CREB5: variants seen among roughly 807,000 people sequenced by gnomAD.
The protein encoded by CREB5 is cyclic AMP-responsive element-binding protein 5.
CREB5 carries 19 observed loss-of-function variants against 57.1 expected under a neutral mutation model. That is an observed-to-expected ratio of 0.33 (90% CI 0.23 to 0.49). The LOEUF (loss-of-function observed/expected upper bound fraction) is 0.49. CREB5 is among the 20% of genes least tolerant of loss of function. CREB5 has a pLI of 0.99. For missense variants in CREB5, 579 were observed against 671.6 expected, an observed-to-expected ratio of 0.86 and a Z score of 1.52; for synonymous variants, 238 against 238.3, an observed-to-expected ratio of 1.00 and a Z score of 0.01.
intron 5 of CREB5, among the ~76,000 whole-genome samples, chr7:28,668,817 A>G (rs767358514): frequency 5.3e-5 from 8 of 152,116 alleles, no homozygotes; most frequent in Non-Finnish European, 1.0e-4. Flanking sequence ...TTTACCGGTG[A>G]GTGAGAGTGT....
intron 5 of CREB5, among the ~76,000 whole-genome samples, chr7:28,693,119 C>T (rs778505069): frequency 8.5e-5 from 13 of 152,158 alleles, no homozygotes; most frequent in Middle Eastern, 3.4e-3. Context: ...CACATGGTAC[C>T]AAAAAACTGA....
intron 1 of CREB5, among the ~76,000 whole-genome samples, chr7:28,482,783 T>C (rs1791386875): frequency 6.6e-6 from 1 of 152,242 alleles, no homozygotes; most frequent in African/African-American, 2.4e-5. Context: ...CACAGCCATA[T>C]TGTTAGTGCT....
intron 7 of CREB5, among the ~76,000 whole-genome samples, chr7:28,803,560 C>T (rs984202939): frequency 1.3e-5 from 2 of 151,892 alleles, no homozygotes; most frequent in African/African-American, 4.8e-5. Context: ...AGTTCAAGAC[C>T]AGCCTGGCCA....
chr7:28,804,342 G>A lies in CREB5; in HGVS notation c.846G>A (p.Gln282=), dbSNP rs1808566533. The A allele has an allele frequency of 6.2e-7, 1 of 1,613,388 alleles. No homozygotes were observed. The highest frequency in any genetic ancestry group is 1.7e-5 in the Admixed American group (1 of 59,902). The change falls in exon 8 of 11, where the codon CAG becomes CAA. Residue 282 remains glutamine, a synonymous_variant. Transcript: ENST00000357727. ...TGCACTCGCACCCGCATCAGCACCAGACACTGCCACCCCATCACCCTTACC... is the reference window on the plus strand; with the variant it reads ...TGCACTCGCACCCGCATCAGCACCAAACACTGCCACCCCATCACCCTTACC... ...HHMHSHPHQH[Q]TLPPHHPYPH...
chr7:28,611,711 A>T (rs1347992674), intron 5 of CREB5, among the ~76,000 whole-genome samples: 1 of 149,988 alleles, frequency 6.7e-6, no homozygotes, highest in African/African-American at 2.4e-5. Context: ...TAAATAAATA[A>T]ATAAAATATA....
At chr7:28,331,478 C>G (rs1476246884) in intron 1 of CREB5, among the ~76,000 whole-genome samples, 1 of 152,056 alleles carries the variant, frequency 6.6e-6, no homozygotes, top group Admixed American at 6.5e-5. Flanking sequence ...GAAGAGAATG[C>G]ATGGTCTAAT....
intron 5 of CREB5, among the ~76,000 whole-genome samples, chr7:28,606,115 C>T (rs907962114): frequency 2.0e-5 from 3 of 151,934 alleles, no homozygotes; most frequent in Non-Finnish European, 4.4e-5. Context: ...TTGATCTTGC[C>T]CTCAATACAG....
rs570711400 is a variant in CREB5, at chr7:28,533,181, G to A, written c.291+25444G>A. ...ATATCGTACCATTGCACTCCAGCCT[G>A]GGCAACAGAGCAAGACTCCATCTCA... On this transcript the variant is annotated intron_variant, in intron 4 of 10. Transcript: ENST00000357727. Among the ~76,000 whole-genome samples the A allele has an allele frequency of 1.1e-4, 16 of 152,210 alleles. No homozygotes were observed. In the East Asian group the frequency reaches 2.5e-3, roughly 24 times the overall value.
At chr7:28,374,628 T>G in intron 1 of CREB5, among the ~76,000 whole-genome samples, 1 of 152,170 alleles carries the variant, frequency 6.6e-6, no homozygotes, top group Non-Finnish European at 1.5e-5. Context: ...ATGATTCCAT[T>G]GGTATGAAAT....
chr7:28,732,293 A>T (rs184332352), intron 7 of CREB5, among the ~76,000 whole-genome samples: 6 of 152,196 alleles, frequency 3.9e-5, no homozygotes, highest in Admixed American at 3.9e-4. Flanking sequence ...ATACAATCCC[A>T]ATATTTGCTA....
At chr7:28,584,440 G>A (rs1796237223) in intron 5 of CREB5, among the ~76,000 whole-genome samples, 2 of 152,134 alleles carry the variant, frequency 1.3e-5, no homozygotes, top group South Asian at 4.2e-4. Context: ...AGGCCATGTG[G>A]AGACACGGGG....
At chr7:28,312,345 A>T (rs951038453) in intron 1 of CREB5, among the ~76,000 whole-genome samples, 3 of 152,258 alleles carry the variant, frequency 2.0e-5, no homozygotes, top group African/African-American at 7.2e-5. Flanking sequence ...TTTGCGAGAG[A>T]ATGAAATACC....
At chr7:28,622,635 T>C (rs983265578) in intron 5 of CREB5, among the ~76,000 whole-genome samples, 1 of 152,162 alleles carries the variant, frequency 6.6e-6, no homozygotes, top group Non-Finnish European at 1.5e-5. Flanking sequence ...TTTATTACTG[T>C]TTTAGAGATG....
chr7:28,488,049 C>G lies in CREB5; in HGVS notation c.4-126C>G. The G allele has an allele frequency of 4.0e-6, 3 of 746,374 alleles. No homozygotes were observed. In the South Asian group the frequency reaches 4.9e-5, roughly 12 times the overall value. 46.2% of individuals were successfully genotyped at this position (746,374 alleles called of 1,614,324 possible). On this transcript the variant is annotated intron_variant, in intron 1 of 10. Coordinates refer to ENST00000357727, the MANE Select transcript of CREB5 (RefSeq NM_182898.4). ...TGCTCACTCACATTAATGTTCTGCT[C>G]ATCTAATTTTGGTATTGGCATAGAA...
At chr7:28,567,673 T>G (rs1286199506) in intron 4 of CREB5, among the ~76,000 whole-genome samples, 1 of 152,186 alleles carries the variant, frequency 6.6e-6, no homozygotes, top group Non-Finnish European at 1.5e-5. Context: ...ACATGATGAT[T>G]GATTCTGAGG....
intron 5 of CREB5, among the ~76,000 whole-genome samples, chr7:28,582,838 T>C (rs1796169698): frequency 1.3e-5 from 2 of 152,170 alleles, no homozygotes; most frequent in South Asian, 4.1e-4. Context: ...GAACACAGGC[T>C]GACATATGAC....
Position 28,461,063 on chromosome 7 carries a change from C to T in CREB5, c.4-27112C>T, listed in dbSNP as rs1269504189. 3.3e-5 allele frequency among the ~76,000 whole-genome samples: 5 copies of T among 151,670 alleles called. No individual in the cohort carries two copies. The South Asian group carries it at 1.0e-3, about 32-fold the overall frequency. The stretch of plus-strand genomic sequence containing the variant: ...CAAACAAAAAAAAACAAAATGAAAT[C>T]CCCACAAAAACTTATCAGGTTTGGT... On this transcript the variant is annotated intron_variant, in intron 1 of 10. Coordinates refer to ENST00000357727, the MANE Select transcript of CREB5 (RefSeq NM_182898.4).
intron 4 of CREB5, among the ~76,000 whole-genome samples, chr7:28,553,089 C>G (rs558394749): frequency 6.6e-6 from 1 of 152,318 alleles, no homozygotes; most frequent in Non-Finnish European, 1.5e-5. Context: ...TATAAAAACA[C>G]TAAGGTCATA....
chr7:28,711,026 C>T (rs2128743014), intron 5 of CREB5, among the ~76,000 whole-genome samples: 1 of 152,236 alleles, frequency 6.6e-6, no homozygotes, highest in South Asian at 2.1e-4. Context: ...GAAAGGAAAT[C>T]ACTATGGCAG....
Sources: gnomAD v4.1 joint callset for allele counts (sites outside exome capture counted in the v4.1 genomes callset) on GRCh38, gnomAD v4.1.1 for gene constraint, MANE v1.5 for transcripts, NCBI Gene and HGNC (gene_info 2026-07-23, HGNC 2026-07-21) for gene names.